The following SPAG16 variants were observed in gnomAD, a reference collection of about 807,000 sequenced individuals.
SPAG16 encodes the protein sperm associated antigen 16.
Under a neutral mutation model 80.4 loss-of-function variants are expected in SPAG16, and 86 were observed. That is an observed-to-expected ratio of 1.07 (90% CI 0.90 to 1.28). The LOEUF is 1.28. Ranked by LOEUF, SPAG16 falls within the 50% of genes most tolerant of loss-of-function variation. The pLI is 0.00. For missense variants in SPAG16, 870 were observed against 765.3 expected (o/e 1.14, Z -1.61); for synonymous variants, 294 against 265.9 (o/e 1.11, Z -1.03).
intron 13 of SPAG16, among the ~76,000 whole-genome samples, chr2:214,097,507 A>G (rs13384488): frequency 0.092 from 13,995 of 152,006 alleles, 819 homozygotes; most frequent in East Asian, 0.29. Flanking sequence ...GTGACATTCC[A>G]TTATTAGGGC....
chr2:213,996,565 CTTTTTT>C (rs57100155), intron 12 of SPAG16, among the ~76,000 whole-genome samples: 1 of 116,984 alleles, frequency 8.5e-6, no homozygotes, highest in Non-Finnish European at 1.8e-5. Context: ...TAATGCTATT[CTTTTTT>C]TTTTTTTTTT....
intron 14 of SPAG16, among the ~76,000 whole-genome samples, chr2:214,111,214 G>A (rs2053645260): frequency 6.6e-6 from 1 of 152,150 alleles, no homozygotes; most frequent in Admixed American, 6.5e-5. Context: ...CCATACCTAT[G>A]TCCTGAATGG....
intron 9 of SPAG16, among the ~76,000 whole-genome samples, chr2:213,402,888 A>G (rs1381821712): frequency 2.0e-5 from 3 of 151,176 alleles, no homozygotes; most frequent in East Asian, 3.9e-4. Flanking sequence ...AATAAACATA[A>G]TGTGTGCATG....
At chr2:213,401,375 G>A (rs148854704) in intron 9 of SPAG16, among the ~76,000 whole-genome samples, 215 of 152,136 alleles carry the variant, frequency 1.4e-3, no homozygotes, top group Middle Eastern at 0.01. Flanking sequence ...GTTTATTTCC[G>A]TTGTTTTGCT....
At chr2:213,997,879 A>C (rs1279772984) in intron 12 of SPAG16, among the ~76,000 whole-genome samples, 1 of 152,222 alleles carries the variant, frequency 6.6e-6, no homozygotes, top group Non-Finnish European at 1.5e-5. Context: ...ACACAGTGGA[A>C]AAATGGAACC....
chr2:214,350,427 G>T (rs1183277791), intron 15 of SPAG16, among the ~76,000 whole-genome samples: 1 of 152,140 alleles, frequency 6.6e-6, no homozygotes, highest in Non-Finnish European at 1.5e-5. Context: ...TTCAGTTCTA[G>T]AATTTTCCTG....
intron 10 of SPAG16, among the ~76,000 whole-genome samples, chr2:213,534,923 T>G (rs1401901850): frequency 2.0e-5 from 3 of 152,112 alleles, no homozygotes; most frequent in Admixed American, 2.0e-4. Context: ...TTGGTTGCCC[T>G]AATCCAGTAT....
intron 9 of SPAG16, among the ~76,000 whole-genome samples, chr2:213,426,024 T>A (rs2069892161): frequency 6.6e-6 from 1 of 152,190 alleles, no homozygotes; most frequent in Non-Finnish European, 1.5e-5. Context: ...AGGTGAAAAA[T>A]ATTTGCTATT....
chr2:213,676,413 C>T (rs1029871065), intron 10 of SPAG16, among the ~76,000 whole-genome samples: 1 of 149,256 alleles, frequency 6.7e-6, no homozygotes, highest in Non-Finnish European at 1.5e-5. Context: ...GAACTTCCAA[C>T]ACTATGTTGA....
chr2:214,083,071 G>T (rs915033875), intron 13 of SPAG16, among the ~76,000 whole-genome samples: 3 of 152,114 alleles, frequency 2.0e-5, no homozygotes, highest in African/African-American at 7.2e-5. Flanking sequence ...CTTACATGAT[G>T]AATTTACTTT....
chr2:213,412,108 T>G (rs1259452724), intron 9 of SPAG16, among the ~76,000 whole-genome samples: 3 of 152,082 alleles, frequency 2.0e-5, no homozygotes, highest in East Asian at 3.8e-4. Flanking sequence ...GATCACCTAC[T>G]CCACCCTAAC....
chr2:214,195,502 G>C (rs1007868626), intron 15 of SPAG16, among the ~76,000 whole-genome samples: 4 of 152,012 alleles, frequency 2.6e-5, no homozygotes, highest in African/African-American at 9.7e-5. Flanking sequence ...GATTGAACTA[G>C]AAACAGTGGT....
At chr2:213,810,032 A>G (rs1020296628) in intron 10 of SPAG16, among the ~76,000 whole-genome samples, 5 of 152,174 alleles carry the variant, frequency 3.3e-5, no homozygotes, top group African/African-American at 9.6e-5. Flanking sequence ...GGGGGCTGAC[A>G]GGTCAAGAGG....
At chr2:214,056,313 ACG>A (rs1280208867) in intron 13 of SPAG16, among the ~76,000 whole-genome samples, 1 of 148,172 alleles carries the variant, frequency 6.7e-6, no homozygotes, top group Admixed American at 6.8e-5. Flanking sequence ...ACACACACAC[ACG>A]CATAGAGAGA....
intron 10 of SPAG16, among the ~76,000 whole-genome samples, chr2:213,659,907 A>C (rs1051265236): frequency 1.9e-4 from 29 of 152,086 alleles, no homozygotes; most frequent in Admixed American, 1.2e-3. Context: ...TATTTTTATC[A>C]TATTCATTAA....
At chr2:213,551,180 A>G (rs1043926596) in intron 10 of SPAG16, among the ~76,000 whole-genome samples, 3 of 152,160 alleles carry the variant, frequency 2.0e-5, no homozygotes, top group African/African-American at 7.2e-5. Context: ...GTCGTTTGAG[A>G]GACTCCTCTG....
At position 213,778,203 on chromosome 2, in the gene SPAG16, TC is replaced by T. The variant is rs904534816; in HGVS notation, c.1071-84280del. Among the ~76,000 whole-genome samples, 25 of 152,184 alleles carry T rather than the reference TC, an allele frequency of 1.6e-4. 1 individual carries two copies. The highest frequency in any genetic ancestry group is 5.5e-4 in the African/African-American group (23 of 41,510). On this transcript the variant is annotated intron_variant, in intron 10 of 15. Coordinates refer to ENST00000331683, the MANE Select transcript of SPAG16 (RefSeq NM_024532.5). ...TACAAATCACACGATGATTGTCATT[TC>T]CACAAGGTTGCTTAACATCTTTAAT...
rs528799178 is a variant in SPAG16, at chr2:214,180,030, C to T, written c.1720+30764C>T. Among the ~76,000 whole-genome samples the T allele has an allele frequency of 4.0e-5, 6 of 151,522 alleles. No individual in the cohort carries two copies. In the South Asian group the frequency reaches 6.2e-4, roughly 16 times the overall value. ...CTTAGATAAATAGTATGGGTATATGCGAAATTACACAGATAAATAATATTC... is the reference window on the plus strand; with the variant it reads ...CTTAGATAAATAGTATGGGTATATGTGAAATTACACAGATAAATAATATTC... On this transcript the variant is annotated intron_variant, in intron 15 of 15. Coordinates refer to ENST00000331683, the MANE Select transcript of SPAG16 (RefSeq NM_024532.5).
intron 10 of SPAG16, among the ~76,000 whole-genome samples, chr2:213,653,033 T>C (rs1345656970): frequency 1.3e-5 from 2 of 152,198 alleles, no homozygotes; most frequent in Admixed American, 6.5e-5. Context: ...TATGGTTCAC[T>C]GCCCGGCATC....
Sources: allele counts gnomAD v4.1 joint callset (sites outside exome capture counted in the v4.1 genomes callset), GRCh38; gene constraint gnomAD v4.1.1; transcripts MANE v1.5; gene names NCBI Gene and HGNC (gene_info 2026-07-23, HGNC 2026-07-21).